Variants in RBFOX1 observed in about 807,000 individuals in gnomAD.
The protein encoded by RBFOX1 is RNA binding protein fox-1 homolog 1.
Under a neutral mutation model 57.7 loss-of-function variants are expected in RBFOX1, and 8 were observed. That is an observed-to-expected ratio of 0.14 (90% confidence interval 0.08 to 0.25). RBFOX1 has a LOEUF of 0.25. Among genes scored for constraint, RBFOX1 ranks in the 10% least tolerant of loss-of-function variants. The probability of loss-of-function intolerance (pLI) is 1.00; values close to 1 mark genes in which losing one functional copy is unlikely to be tolerated. For missense variants in RBFOX1, 611 were observed against 548.5 expected (o/e 1.11, Z -1.14); for synonymous variants, 326 against 222.4 (o/e 1.47, Z -4.15).
chr16:6,030,640 T>C (rs11646952), intron 1 of RBFOX1, among the ~76,000 whole-genome samples: 14,011 of 152,200 alleles, frequency 0.092, 1,334 homozygotes, highest in African/African-American at 0.24. Context: ...ATACATAAAT[T>C]ACAGCCCTTT....
intron 4 of RBFOX1, among the ~76,000 whole-genome samples, chr16:7,288,725 C>A (rs192431085): frequency 6.6e-6 from 1 of 152,292 alleles, no homozygotes; most frequent in East Asian, 1.9e-4. Context: ...CCAATAATCC[C>A]GGCTACATTG....
intron 3 of RBFOX1, among the ~76,000 whole-genome samples, chr16:6,930,717 C>T (rs1027175509): frequency 6.6e-6 from 1 of 152,070 alleles, no homozygotes; most frequent in Non-Finnish European, 1.5e-5. Context: ...GCCTAATTCC[C>T]CGTTTTTAAA....
intron 4 of RBFOX1, among the ~76,000 whole-genome samples, chr16:7,321,131 T>TATACATATACATATACATATACATATACA (rs1568198362): frequency 8.0e-5 from 2 of 25,098 alleles, no homozygotes; most frequent in Non-Finnish European, 1.4e-4. Flanking sequence ...ATACATATAC[T>TATACATATACATATACATATACATATACA]TATACTTATA....
At chr16:7,188,874 G>C (rs1213855806) in intron 4 of RBFOX1, among the ~76,000 whole-genome samples, 1 of 152,084 alleles carries the variant, frequency 6.6e-6, no homozygotes, top group Non-Finnish European at 1.5e-5. Flanking sequence ...TCAAGAAAAA[G>C]GTTTAAGGAA....
intron 4 of RBFOX1, among the ~76,000 whole-genome samples, chr16:7,471,925 G>A (rs950758532): frequency 6.6e-6 from 1 of 152,120 alleles, no homozygotes; most frequent in Non-Finnish European, 1.5e-5. Flanking sequence ...TCAAATGTCA[G>A]CACCGTTCAA....
intron 3 of RBFOX1, among the ~76,000 whole-genome samples, chr16:6,790,183 A>AG (rs1485320065): frequency 6.8e-6 from 1 of 146,454 alleles, no homozygotes; most frequent in African/African-American, 2.5e-5. Flanking sequence ...TATTATTATT[A>AG]TTATTATTAT....
At chr16:5,689,633 C>T (rs2050607706) in intron 3 of RBFOX1, among the ~76,000 whole-genome samples, 1 of 152,108 alleles carries the variant, frequency 6.6e-6, no homozygotes, top group Non-Finnish European at 1.5e-5. Flanking sequence ...CAAAGCATTT[C>T]TTAGGGAATT....
intron 6 of RBFOX1, among the ~76,000 whole-genome samples, chr16:7,581,813 G>A (rs916194743): frequency 2.4e-4 from 37 of 151,928 alleles, no homozygotes; most frequent in African/African-American, 8.7e-4. Flanking sequence ...TGGGCTCAAG[G>A]GATCCTCCCA....
intron 4 of RBFOX1, among the ~76,000 whole-genome samples, chr16:5,926,465 G>T (rs367753543): frequency 7.2e-5 from 11 of 152,108 alleles, no homozygotes; most frequent in Admixed American, 3.3e-4. Flanking sequence ...CAGGAGTTAG[G>T]GATGCCAGAA....
At chr16:6,194,447 C>G (rs1231694387) in intron 1 of RBFOX1, among the ~76,000 whole-genome samples, 2 of 152,158 alleles carry the variant, frequency 1.3e-5, no homozygotes. Flanking sequence ...TTGTTCCTCT[C>G]TGCTCTCAGG....
chr16:7,358,084 G>A (rs1173486730), intron 4 of RBFOX1, among the ~76,000 whole-genome samples: 4 of 152,154 alleles, frequency 2.6e-5, no homozygotes, highest in East Asian at 1.9e-4. Flanking sequence ...GCTGATCTTC[G>A]ATAGGTAATT....
intron 4 of RBFOX1, among the ~76,000 whole-genome samples, chr16:7,405,315 T>C (rs996351604): frequency 6.6e-6 from 1 of 152,200 alleles, no homozygotes; most frequent in Non-Finnish European, 1.5e-5. Flanking sequence ...GCTGCAAACC[T>C]TTGCCGCTGG....
chr16:5,956,788 A>G (rs988691801), intron 4 of RBFOX1, among the ~76,000 whole-genome samples: 3 of 149,658 alleles, frequency 2.0e-5, no homozygotes, highest in Non-Finnish European at 4.4e-5. Context: ...TTCCACCTCA[A>G]CTTCCTGTGT....
At chr16:7,145,630 G>A (rs1655977958) in intron 4 of RBFOX1, among the ~76,000 whole-genome samples, 1 of 152,064 alleles carries the variant, frequency 6.6e-6, no homozygotes, top group Non-Finnish European at 1.5e-5. Flanking sequence ...GGGGTATTTA[G>A]GAACCATGCT....
chr16:7,690,174 C>A (rs368974290), intron 14 of RBFOX1, among the ~76,000 whole-genome samples: 1 of 152,082 alleles, frequency 6.6e-6, no homozygotes. Context: ...TTTCCAGGCC[C>A]TACCCCAGAT....
At chr16:5,606,094 A>C (rs2047568632) in intron 3 of RBFOX1, among the ~76,000 whole-genome samples, 1 of 152,162 alleles carries the variant, frequency 6.6e-6, no homozygotes, top group Non-Finnish European at 1.5e-5. Context: ...CTGTCTGATC[A>C]GTTCACTTGC....
intron 4 of RBFOX1, among the ~76,000 whole-genome samples, chr16:7,420,281 T>G (rs1313605500): frequency 2.0e-5 from 3 of 152,190 alleles, no homozygotes; most frequent in African/African-American, 7.2e-5. Flanking sequence ...TTAAGGAAGC[T>G]AAGCCCTTGC....
At chr16:5,853,508 C>G (rs2056947872) in intron 3 of RBFOX1, among the ~76,000 whole-genome samples, 1 of 152,198 alleles carries the variant, frequency 6.6e-6, no homozygotes, top group South Asian at 2.1e-4. Context: ...GACCATCCAG[C>G]TGCACCTGAG....
chr16:6,519,371 C>T (rs17540794), intron 2 of RBFOX1, among the ~76,000 whole-genome samples: 78,600 of 151,936 alleles, frequency 0.52, 23,999 homozygotes, highest in East Asian at 0.76. Context: ...GGATATAGCC[C>T]TCCACCTTGG....
Sources: allele counts gnomAD v4.1 joint callset (sites outside exome capture counted in the v4.1 genomes callset), GRCh38; gene constraint gnomAD v4.1.1; transcripts MANE v1.5; gene names NCBI Gene and HGNC (gene_info 2026-07-23, HGNC 2026-07-21).